The following JADE2 variants were observed in gnomAD, a reference collection of about 807,000 sequenced individuals.
The protein encoded by JADE2 is E3 ubiquitin-protein ligase Jade-2.
In JADE2, 13 loss-of-function variants were observed where a neutral mutation model predicts 85.7. The ratio of observed to expected loss-of-function variants is 0.15; its 90% CI spans 0.10 to 0.24. The LOEUF (loss-of-function observed/expected upper bound fraction) is 0.24, where lower values mean the gene tolerates loss of function less well. JADE2 is among the 10% of genes least tolerant of loss of function. JADE2 has a pLI of 1.00. For missense variants in JADE2, 846 were observed against 1,115.9 expected, an observed-to-expected ratio of 0.76 and a Z score of 3.45; for synonymous variants, 440 against 456.1, an observed-to-expected ratio of 0.96 and a Z score of 0.45.
At chr5:134,536,292 A>C (rs1465274895) in intron 2 of JADE2, among the ~76,000 whole-genome samples, 4 of 152,178 alleles carry the variant, frequency 2.6e-5, no homozygotes, top group African/African-American at 9.7e-5. Context: ...ATTACCGGAT[A>C]AGTACCATTT....
intron 11 of JADE2, 168 bp downstream of exon 11, chr5:134,577,064 G>A: frequency 1.1e-5 from 8 of 716,534 alleles, no homozygotes; most frequent in Non-Finnish European, 1.6e-5. Context: ...ACCCACAAAG[G>A]AGACAGATCT....
At chr5:134,561,327 C>T (rs778681793) in intron 6 of JADE2, among the ~76,000 whole-genome samples, 6 of 152,258 alleles carry the variant, frequency 3.9e-5, no homozygotes, top group Admixed American at 6.5e-5. Context: ...CTGCCCTTCA[C>T]AAGCTATGTA....
At chr5:134,555,623 A>G (rs1305157506) in intron 4 of JADE2, among the ~76,000 whole-genome samples, 1 of 152,220 alleles carries the variant, frequency 6.6e-6, no homozygotes, top group Non-Finnish European at 1.5e-5. Flanking sequence ...GCCGCTGACC[A>G]GGCAAGCAGA....
intron 3 of JADE2, among the ~76,000 whole-genome samples, chr5:134,540,223 T>C (rs115091269): frequency 1.2e-4 from 18 of 151,766 alleles, no homozygotes; most frequent in East Asian, 1.9e-4. Context: ...CTTTTTTTTT[T>C]CCTTTTTACT....
chr5:134,525,946 C>T lies in JADE2; in HGVS notation c.-66C>T. On this transcript the variant is annotated 5_prime_UTR_variant, in exon 1 of 12. Coordinates refer to ENST00000681547, the MANE Select transcript of JADE2 (RefSeq NM_001388185.1). ...CTCCCGGCTTCGGGAGCATCCTTCCCGCGCCGGTCCCTGCAGCGGCGCGTA... is the reference window on the plus strand; with the variant it reads ...CTCCCGGCTTCGGGAGCATCCTTCCTGCGCCGGTCCCTGCAGCGGCGCGTA... 3 of 986,076 alleles carry T rather than the reference C, an allele frequency of 3.0e-6. No homozygotes were observed. The highest frequency in any genetic ancestry group is 3.6e-6 in the Non-Finnish European group (3 of 830,606). 61.1% of individuals were successfully genotyped at this position (986,076 alleles called of 1,614,324 possible).
At chr5:134,539,882 C>T (rs1761866883) in intron 3 of JADE2, among the ~76,000 whole-genome samples, 2 of 152,340 alleles carry the variant, frequency 1.3e-5, no homozygotes, top group African/African-American at 2.4e-5. Flanking sequence ...CCAGGAGCTG[C>T]CCTCCTCTAG....
intron 3 of JADE2, 124 bp downstream of exon 3, chr5:134,538,207 T>A: frequency 1.4e-6 from 1 of 708,794 alleles, no homozygotes; most frequent in Non-Finnish European, 2.4e-6. Flanking sequence ...CGTGGCCGAG[T>A]GGAATGAAGG....
intron 1 of JADE2, among the ~76,000 whole-genome samples, chr5:134,528,501 A>T (rs988432395): frequency 2.0e-5 from 3 of 152,130 alleles, no homozygotes; most frequent in African/African-American, 7.2e-5. Context: ...GGCAGGGAGG[A>T]GGGCTTTCAT....
Position 134,578,616 on chromosome 5 carries a change from G to A in JADE2, c.1804G>A (p.Glu602Lys), listed in dbSNP as rs760461411. 5 of 1,614,160 alleles carry A rather than the reference G, an allele frequency of 3.1e-6. No individual in the cohort carries two copies. The highest frequency in any genetic ancestry group is 4.2e-6 in the Non-Finnish European group (5 of 1,180,044). Residue 602 changes from glutamate to lysine, a missense_variant, in exon 12 of 12, where the codon GAG becomes AAG. Transcript: ENST00000681547. This position sits in a 1 kb window ranked among gnomAD's most constrained non-coding sequence, Gnocchi z 4.4. ...SEWPLNNGHR[E>K]DPAPGLLSEE... Reference sequence around the variant, plus strand: ...GTGGCCACTGAACAATGGGCACCGCGAGGACCCTGCTCCAGGGCTGCTGTC... The same window carrying A: ...GTGGCCACTGAACAATGGGCACCGCAAGGACCCTGCTCCAGGGCTGCTGTC...
upstream of JADE2, chr5:134,524,480 G>A (rs775122355): frequency 6.6e-6 from 1 of 152,526 alleles, no homozygotes; most frequent in Non-Finnish European, 1.5e-5. Flanking sequence ...GGCGAAGGGT[G>A]GGGAGAGGGG....
At position 134,582,115 on chromosome 5, in the gene JADE2, C is replaced by T. The variant is rs532252555; in HGVS notation, c.*2798C>T. On this transcript the variant is annotated 3_prime_UTR_variant, in exon 12 of 12. Transcript: ENST00000681547. ...CTGTAACTCATTCTGGCTATCGTCC[C>T]CCTTCTCACTGACCTGACCGCCCAC... 1 of 152,374 alleles carries T rather than the reference C, an allele frequency of 6.6e-6. No homozygotes were observed. Among genetic ancestry groups the T allele is most frequent in the East Asian group, 1.9e-4 (1 of 5,188 alleles). 9.4% of individuals were successfully genotyped at this position (152,374 alleles called of 1,614,324 possible).
chr5:134,530,066 C>T (rs1348287897), intron 1 of JADE2, among the ~76,000 whole-genome samples: 1 of 152,252 alleles, frequency 6.6e-6, no homozygotes, highest in Non-Finnish European at 1.5e-5. Flanking sequence ...CAGCCCTCTA[C>T]TCTGTATACA....
intron 9 of JADE2, 91 bp from the exon 10 acceptor site, chr5:134,573,554 C>A: frequency 1.2e-6 from 1 of 858,080 alleles, no homozygotes; most frequent in Non-Finnish European, 2.0e-6. Flanking sequence ...GTGCCCCTGG[C>A]ACTGCCTCCA....
chr5:134,536,559 G>A (rs534454964), intron 2 of JADE2: 6 of 152,220 alleles, frequency 3.9e-5, no homozygotes, highest in Admixed American at 3.3e-4. Flanking sequence ...AGTTTAGGGA[G>A]CCCCCCTGAA....
At chr5:134,543,683 A>G (rs1762116686) in intron 3 of JADE2, among the ~76,000 whole-genome samples, 1 of 152,052 alleles carries the variant, frequency 6.6e-6, no homozygotes, top group East Asian at 2.0e-4. Flanking sequence ...TCTCAAAAAC[A>G]AAAAAAAGCA....
intron 1 of JADE2, among the ~76,000 whole-genome samples, chr5:134,530,044 G>A (rs1761134011): frequency 6.6e-6 from 1 of 152,226 alleles, no homozygotes; most frequent in Non-Finnish European, 1.5e-5. Context: ...CCGACTGGAG[G>A]ATCCCAGGCA....
rs555896474 is a variant in JADE2, at chr5:134,580,236, C to G, written c.*919C>G. 6.5e-6 allele frequency: 1 copy of G among 152,808 alleles called. No homozygotes were observed. Among genetic ancestry groups the G allele is most frequent in the Non-Finnish European group, 1.5e-5 (1 of 68,064 alleles). The allele number at this position is 152,808 out of a possible 1,614,324, so 9.5% of individuals were successfully genotyped here. ...TCAGACAGAGCTGACCAGACCAGAC[C>G]GTTTGCCTTTTCAAGTTTCCTAGTC... On this transcript the variant is annotated 3_prime_UTR_variant, in exon 12 of 12. Coordinates refer to ENST00000681547, the MANE Select transcript of JADE2 (RefSeq NM_001388185.1).
At position 134,525,892 on chromosome 5, in the gene JADE2, C is replaced by G. The variant is rs976776360; in HGVS notation, c.-120C>G. On this transcript the variant is annotated 5_prime_UTR_variant, in exon 1 of 12. Transcript: ENST00000681547. ...GCCGCGACCCCGGATGGATGCGCGC[C>G]CCCCGCCCTCCCGCGCCGGCCCCAG... 20 of 985,786 alleles carry G rather than the reference C, an allele frequency of 2.0e-5. No individual in the cohort carries two copies. The highest frequency in any genetic ancestry group is 3.5e-5 in the African/African-American group (2 of 57,106). The allele number at this position is 985,786 out of a possible 1,614,324, so 61.1% of individuals were successfully genotyped here.
At chr5:134,575,637 G>A in intron 10 of JADE2, 1 of 151,970 alleles carries the variant, frequency 6.6e-6, no homozygotes, top group East Asian at 1.9e-4. Flanking sequence ...CCCAGGCACA[G>A]TGGCTCATGC....
Sources: gnomAD v4.1 joint callset for allele counts (sites outside exome capture counted in the v4.1 genomes callset) on GRCh38, gnomAD v4.1.1 for gene constraint, Gnocchi (gnomAD v3.1) non-coding constraint, MANE v1.5 for transcripts, NCBI Gene and HGNC (gene_info 2026-07-23, HGNC 2026-07-21) for gene names.